Variants in DLC1 observed in about 807,000 individuals in gnomAD.
DLC1 encodes DLC1 Rho GTPase activating protein.
Under a neutral mutation model 140.3 loss-of-function variants are expected in DLC1, and 54 were observed. That is an observed-to-expected ratio of 0.38 (90% CI 0.31 to 0.48). The LOEUF (loss-of-function observed/expected upper bound fraction) is 0.48. Ranked by LOEUF, DLC1 falls within the 20% of genes least tolerant of loss-of-function variation. The pLI, the probability that DLC1 is intolerant of heterozygous loss-of-function variation, is 0.96. For missense variants in DLC1, 2,536 were observed against 1,907.0 expected, an observed-to-expected ratio of 1.33 and a Z score of -6.14; for synonymous variants, 986 against 728.1, an observed-to-expected ratio of 1.35 and a Z score of -5.70.
intron 7 of DLC1, among the ~76,000 whole-genome samples, chr8:13,109,592 A>G (rs1285333647): frequency 6.7e-6 from 1 of 149,970 alleles, no homozygotes; most frequent in Non-Finnish European, 1.5e-5. Flanking sequence ...AAACAGAACA[A>G]AAAAAAAACA....
intron 5 of DLC1, among the ~76,000 whole-genome samples, chr8:13,267,179 G>A (rs561132725): frequency 2.0e-5 from 3 of 152,254 alleles, no homozygotes; most frequent in African/African-American, 7.2e-5. Flanking sequence ...GTCCAAAGAC[G>A]GTCTTATCAG....
intron 2 of DLC1, among the ~76,000 whole-genome samples, chr8:13,437,464 T>C (rs1029603947): frequency 3.3e-5 from 5 of 152,222 alleles, no homozygotes; most frequent in African/African-American, 1.2e-4. Context: ...ATCGTATGCA[T>C]GATGTAAGCC....
At chr8:13,555,179 A>G (rs1004089900) in intron 1 of DLC1, among the ~76,000 whole-genome samples, 4 of 152,230 alleles carry the variant, frequency 2.6e-5, no homozygotes, top group African/African-American at 9.6e-5. Context: ...ATTTAAAATG[A>G]CAATGCTCCT....
chr8:13,374,407 C>T (rs2117130478), intron 4 of DLC1, among the ~76,000 whole-genome samples: 1 of 152,156 alleles, frequency 6.6e-6, no homozygotes, highest in South Asian at 2.1e-4. Context: ...GGCCTTTTTG[C>T]TATTTTATAA....
chr8:13,201,106 C>A (rs1227376019), intron 5 of DLC1, among the ~76,000 whole-genome samples: 2 of 148,950 alleles, frequency 1.3e-5, no homozygotes, highest in African/African-American at 2.5e-5. Flanking sequence ...AATAATAAAA[C>A]AAATTGGCAA....
intron 5 of DLC1, among the ~76,000 whole-genome samples, chr8:13,269,142 G>T (rs1163484459): frequency 6.6e-6 from 1 of 152,040 alleles, no homozygotes; most frequent in African/African-American, 2.4e-5. Context: ...CAAAGTGCTG[G>T]GATTACAGGT....
intron 5 of DLC1, among the ~76,000 whole-genome samples, chr8:13,245,362 C>T (rs1829722026): frequency 6.6e-6 from 1 of 152,232 alleles, no homozygotes; most frequent in Non-Finnish European, 1.5e-5. Context: ...GTAGCAGAGG[C>T]ACTCTGTGCC....
chr8:13,391,089 T>C (rs1836739176), intron 4 of DLC1, among the ~76,000 whole-genome samples: 2 of 152,192 alleles, frequency 1.3e-5, no homozygotes, highest in Admixed American at 1.3e-4. Flanking sequence ...TTGTCTTTGA[T>C]GGTGGAGTAT....
intron 5 of DLC1, among the ~76,000 whole-genome samples, chr8:13,143,918 C>T (rs969142266): frequency 2.0e-5 from 3 of 151,932 alleles, no homozygotes; most frequent in Non-Finnish European, 4.4e-5. Flanking sequence ...CCCGGGCAGG[C>T]ACATGTGAAT....
At chr8:13,090,133 C>T (rs760971744) in intron 15 of DLC1, 119 bp downstream of exon 15, 10 of 934,256 alleles carry the variant, frequency 1.1e-5, no homozygotes, top group Admixed American at 2.7e-5. Flanking sequence ...CCCAGCTCTA[C>T]AAGGGAGGTT....
At chr8:13,236,574 T>C (rs550640862) in intron 5 of DLC1, among the ~76,000 whole-genome samples, 61 of 152,246 alleles carry the variant, frequency 4.0e-4, no homozygotes, top group African/African-American at 1.4e-3. Context: ...TTGATTGTAT[T>C]GAACCACAGA....
chr8:13,402,234 G>A (rs1305439102), intron 2 of DLC1, among the ~76,000 whole-genome samples: 3 of 152,112 alleles, frequency 2.0e-5, no homozygotes, highest in African/African-American at 4.8e-5. Flanking sequence ...TTGTATTTTT[G>A]TAAATGAGTA....
intron 4 of DLC1, among the ~76,000 whole-genome samples, chr8:13,355,581 A>G (rs1338396915): frequency 6.6e-6 from 1 of 152,164 alleles, no homozygotes; most frequent in Non-Finnish European, 1.5e-5. Flanking sequence ...TCAGGACCCC[A>G]CCTTCTCAGC....
intron 4 of DLC1, among the ~76,000 whole-genome samples, chr8:13,317,720 G>T (rs1028243601): frequency 6.6e-6 from 1 of 152,210 alleles, no homozygotes; most frequent in Admixed American, 6.5e-5. Flanking sequence ...GAAGGAAAGG[G>T]AGAAGTTCAA....
intron 7 of DLC1, among the ~76,000 whole-genome samples, chr8:13,105,535 C>T (rs902235473): frequency 2.0e-5 from 3 of 151,588 alleles, no homozygotes; most frequent in East Asian, 1.9e-4. Flanking sequence ...TAAGTCCACA[C>T]GATTAAAACA....
intron 5 of DLC1, among the ~76,000 whole-genome samples, chr8:13,152,948 C>T (rs1412498048): frequency 2.6e-5 from 4 of 151,220 alleles, no homozygotes; most frequent in Non-Finnish European, 5.9e-5. Flanking sequence ...AACTTTGTAA[C>T]TACTTTGACC....
chr8:13,103,716 G>C (rs1163558282), intron 7 of DLC1, among the ~76,000 whole-genome samples: 1 of 151,758 alleles, frequency 6.6e-6, no homozygotes, highest in East Asian at 1.9e-4. Context: ...GTGGGTGCCT[G>C]TAATGCCAGC....
At chr8:13,235,002 C>G (rs1829215296) in intron 5 of DLC1, among the ~76,000 whole-genome samples, 1 of 151,998 alleles carries the variant, frequency 6.6e-6, no homozygotes, top group African/African-American at 2.4e-5. Flanking sequence ...CTAGCTCTGT[C>G]TGTTAAATTT....
chr8:13,385,699 T>C (rs1836492698), intron 4 of DLC1, among the ~76,000 whole-genome samples: 1 of 152,188 alleles, frequency 6.6e-6, no homozygotes, highest in Non-Finnish European at 1.5e-5. Context: ...TGAAATTTGG[T>C]ATGTGATTGA....
Sources: allele counts gnomAD v4.1 joint callset (sites outside exome capture counted in the v4.1 genomes callset), GRCh38; gene constraint gnomAD v4.1.1; transcripts MANE v1.5; gene names NCBI Gene and HGNC (gene_info 2026-07-23, HGNC 2026-07-21).